AGO3: variants seen among roughly 807,000 people sequenced by gnomAD.
AGO3 encodes argonaute RISC catalytic component 3.
Under a neutral mutation model 105.5 loss-of-function variants are expected in AGO3, and 16 were observed. That is an observed-to-expected ratio of 0.15 (90% CI 0.10 to 0.23). The LOEUF (loss-of-function observed/expected upper bound fraction) is 0.23. AGO3 is among the 10% of genes least tolerant of loss of function. The probability of loss-of-function intolerance (pLI) is 1.00; values close to 1 mark genes in which losing one functional copy is unlikely to be tolerated. For missense variants in AGO3, 534 were observed against 1,088.0 expected, an observed-to-expected ratio of 0.49 and a Z score of 7.16; for synonymous variants, 340 against 367.3, an observed-to-expected ratio of 0.93 and a Z score of 0.85.
rs181280270 is a variant in AGO3 at position 36,003,619 on chromosome 1, G to A, written c.659-722G>A. 2.1e-4 allele frequency among the ~76,000 whole-genome samples: 31 copies of A among 148,914 alleles called. No homozygotes were observed. The East Asian group carries it at 5.5e-3, about 26-fold the overall frequency. ...TGAGGCAGGAGAATCGCTTGAACCCGGGAGGCGGAGATTACAGTGAGCCAA... is the reference window on the plus strand; with the variant it reads ...TGAGGCAGGAGAATCGCTTGAACCCAGGAGGCGGAGATTACAGTGAGCCAA... On this transcript the variant is annotated intron_variant, in intron 5 of 18. Coordinates refer to ENST00000373191, the MANE Select transcript of AGO3 (RefSeq NM_024852.4).
chr1:36,038,379 C>T (rs1431280658), intron 14 of AGO3, among the ~76,000 whole-genome samples: 1 of 151,670 alleles, frequency 6.6e-6, no homozygotes, highest in East Asian at 1.9e-4. Context: ...CCTCAGCCTC[C>T]TGAGTAGCTG....
chr1:36,007,688 A>G (rs1640402302), intron 6 of AGO3, among the ~76,000 whole-genome samples: 1 of 151,884 alleles, frequency 6.6e-6, no homozygotes, highest in African/African-American at 2.4e-5. Flanking sequence ...AAGAGCAAAA[A>G]ACTAAAAAAA....
intron 5 of AGO3, among the ~76,000 whole-genome samples, chr1:35,997,853 C>T (rs1351491301): frequency 6.6e-6 from 1 of 152,066 alleles, no homozygotes; most frequent in African/African-American, 2.4e-5. Context: ...CCTGCCACCA[C>T]GCCCAGCTAA....
chr1:35,954,480 CCA>C (rs1646529707), intron 2 of AGO3, among the ~76,000 whole-genome samples: 1 of 152,126 alleles, frequency 6.6e-6, no homozygotes, highest in African/African-American at 2.4e-5. Context: ...TTAACCTGCT[CCA>C]GTTTGTTAGG....
intron 14 of AGO3, among the ~76,000 whole-genome samples, chr1:36,038,210 CTTTGTGAG>C (rs1642094437): frequency 6.7e-6 from 1 of 149,446 alleles, no homozygotes; most frequent in South Asian, 2.1e-4. Flanking sequence ...GCTAGGAAGC[CTTTGTGAG>C]GCATTTTGTT....
chr1:35,945,933 A>G, intron 2 of AGO3, 70 bp downstream of exon 2: 3 of 1,443,656 alleles, frequency 2.1e-6, no homozygotes, highest in Non-Finnish European at 2.8e-6. Context: ...TTTATTTTGT[A>G]TATCTGAATA....
At chr1:36,014,531 G>A (rs966544900) in intron 11 of AGO3, among the ~76,000 whole-genome samples, 2 of 151,492 alleles carry the variant, frequency 1.3e-5, no homozygotes, top group Admixed American at 1.3e-4. Context: ...CAGCACTTTG[G>A]GAGGCCAGGG....
intron 1 of AGO3, among the ~76,000 whole-genome samples, chr1:35,938,524 C>T (rs1473119073): frequency 6.6e-6 from 1 of 152,024 alleles, no homozygotes. Context: ...AGTATCTTTC[C>T]CATATCATTA....
chr1:35,981,728 C>T (rs1201933523), intron 5 of AGO3, among the ~76,000 whole-genome samples: 2 of 152,188 alleles, frequency 1.3e-5, no homozygotes, highest in African/African-American at 2.4e-5. Context: ...CCACCCTCCA[C>T]TTATTGTTCT....
chr1:35,952,867 G>A (rs903607018), intron 2 of AGO3, among the ~76,000 whole-genome samples: 2 of 152,104 alleles, frequency 1.3e-5, no homozygotes, highest in African/African-American at 2.4e-5. Context: ...TATCCCCATC[G>A]TTAAGTGATG....
chr1:35,931,825 A>G (rs1332750307), intron 1 of AGO3, among the ~76,000 whole-genome samples: 2 of 152,162 alleles, frequency 1.3e-5, no homozygotes, highest in Non-Finnish European at 2.9e-5. Flanking sequence ...TCCCTTACCT[A>G]CCTCTTAGGA....
At chr1:35,965,907 C>A (rs1313011072) in intron 2 of AGO3, among the ~76,000 whole-genome samples, 5 of 149,362 alleles carry the variant, frequency 3.3e-5, no homozygotes, top group Admixed American at 6.8e-5. Context: ...CTCACCACAA[C>A]CTCTGCCTTC....
intron 17 of AGO3, among the ~76,000 whole-genome samples, chr1:36,050,791 CAAA>C (rs566050744): frequency 7.0e-5 from 6 of 85,866 alleles, no homozygotes; most frequent in Admixed American, 2.3e-4. Context: ...GACTCTATCT[CAAA>C]AAAAAAAAAA....
At chr1:36,025,124 A>G (rs1482873784) in intron 11 of AGO3, among the ~76,000 whole-genome samples, 2 of 152,234 alleles carry the variant, frequency 1.3e-5, no homozygotes, top group Non-Finnish European at 2.9e-5. Context: ...TATGTCAACA[A>G]TGAAACATTC....
intron 3 of AGO3, among the ~76,000 whole-genome samples, chr1:35,967,647 C>A (rs1646799636): frequency 6.6e-6 from 1 of 152,018 alleles, no homozygotes; most frequent in Non-Finnish European, 1.5e-5. Context: ...AAACTTCTGA[C>A]CTCAAGTAAT....
At chr1:35,981,688 T>C (rs1647055824) in intron 5 of AGO3, among the ~76,000 whole-genome samples, 1 of 152,122 alleles carries the variant, frequency 6.6e-6, no homozygotes, top group African/African-American at 2.4e-5. Context: ...TGTAAAAGGG[T>C]GGTCCTTTCT....
chr1:35,985,590 C>T (rs967593025), intron 5 of AGO3, among the ~76,000 whole-genome samples: 1 of 151,708 alleles, frequency 6.6e-6, no homozygotes, highest in African/African-American at 2.4e-5. Context: ...ATTGTGTTTA[C>T]ACAGTTTAAC....
intron 12 of AGO3, among the ~76,000 whole-genome samples, chr1:36,028,682 T>C (rs1331962105): frequency 1.3e-5 from 2 of 151,816 alleles, no homozygotes; most frequent in Non-Finnish European, 1.5e-5. Context: ...TCTTTGCTAT[T>C]GTGAATAATG....
chr1:35,992,219 T>C (rs888602127), intron 5 of AGO3: 7 of 152,180 alleles, frequency 4.6e-5, no homozygotes, highest in African/African-American at 1.7e-4. Context: ...ATCTCTTGTT[T>C]TTGGTACAGT....
Sources: allele counts gnomAD v4.1 joint callset (sites outside exome capture counted in the v4.1 genomes callset), GRCh38; gene constraint gnomAD v4.1.1; transcripts MANE v1.5; gene names NCBI Gene and HGNC (gene_info 2026-07-23, HGNC 2026-07-21).